PIEZO2: variants seen among roughly 807,000 people sequenced by gnomAD.
PIEZO2 encodes the protein piezo-type mechanosensitive ion channel component 2.
In PIEZO2, 172 loss-of-function variants were observed where a neutral mutation model predicts 337.3. The ratio of observed to expected loss-of-function variants is 0.51; its 90% CI spans 0.45 to 0.58. The LOEUF is 0.58. Ranked by LOEUF, PIEZO2 falls within the 20% of genes least tolerant of loss-of-function variation. The probability of loss-of-function intolerance (pLI) is 0.00; values close to 1 mark genes in which losing one functional copy is unlikely to be tolerated. For synonymous variants in PIEZO2, 1,251 were observed against 1,228.5 expected (o/e 1.02, Z -0.38); for missense variants, 3,028 against 3,391.3 (o/e 0.89, Z 2.66).
intron 36 of PIEZO2, among the ~76,000 whole-genome samples, chr18:10,723,101 GGGATTACAGGCAT>G (rs2036391576): frequency 6.6e-6 from 1 of 151,732 alleles, no homozygotes; most frequent in South Asian, 2.1e-4. Flanking sequence ...CCAAGTAGCT[GGGATTACAGGCAT>G]GGACCACCAC....
At chr18:10,720,938 A>G (rs4796903) in intron 36 of PIEZO2, among the ~76,000 whole-genome samples, 51,106 of 152,004 alleles carry the variant, frequency 0.34, 8,872 homozygotes, top group Admixed American at 0.46. Context: ...CAGGCTGTGT[A>G]CAAATACTCC....
At chr18:10,745,912 T>C (rs2037404646) in intron 30 of PIEZO2, among the ~76,000 whole-genome samples, 1 of 152,194 alleles carries the variant, frequency 6.6e-6, no homozygotes, top group Non-Finnish European at 1.5e-5. Flanking sequence ...CCTCCCTGTT[T>C]GAGTTCCTAT....
At chr18:11,134,835 T>C (rs2040436379) in intron 1 of PIEZO2, among the ~76,000 whole-genome samples, 1 of 152,082 alleles carries the variant, frequency 6.6e-6, no homozygotes, top group African/African-American at 2.4e-5. Context: ...CAATAGGAAT[T>C]ACATCACAAA....
At chr18:10,955,576 G>A (rs1568236518) in intron 3 of PIEZO2, among the ~76,000 whole-genome samples, 1 of 152,164 alleles carries the variant, frequency 6.6e-6, no homozygotes, top group African/African-American at 2.4e-5. Flanking sequence ...AAAGCTCCAT[G>A]TTATGAGGAA....
In PIEZO2 at chr18:11,059,123, T is replaced by C. The variant is rs560352852; in HGVS notation, c.160+7004A>G. ...TATTCAACATTCTTAAAGAAAAGAATTTTCAACCCAGAATTTCATATCCAG... is the reference window on the plus strand; with the variant it reads ...TATTCAACATTCTTAAAGAAAAGAACTTTCAACCCAGAATTTCATATCCAG... On this transcript the variant is annotated intron_variant, in intron 2 of 55. Transcript: ENST00000674853. 7.0e-4 allele frequency among the ~76,000 whole-genome samples: 106 copies of C among 152,294 alleles called. No individual in the cohort carries two copies. In the East Asian group the frequency reaches 0.019, roughly 28 times the overall value.
intron 26 of PIEZO2, among the ~76,000 whole-genome samples, chr18:10,758,859 C>G (rs1209503875): frequency 6.6e-6 from 1 of 152,212 alleles, no homozygotes; most frequent in East Asian, 1.9e-4. Flanking sequence ...CAACTGCCCA[C>G]AAAGGGCTGA....
chr18:10,721,514 C>A lies in PIEZO2; in HGVS notation c.5030-3255G>T, dbSNP rs1195845781. On this transcript the variant is annotated intron_variant, in intron 36 of 55. Coordinates refer to ENST00000674853, the MANE Select transcript of PIEZO2 (RefSeq NM_001378183.1). ...AGCTATTTTCAAGATGACCAAAGAA[C>A]AAATTTTTGTTCTGATCCAAACATT... 2.7e-5 allele frequency among the ~76,000 whole-genome samples: 4 copies of A among 150,090 alleles called. No individual in the cohort carries two copies. In the South Asian group the frequency reaches 8.3e-4, roughly 31 times the overall value.
chr18:10,922,332 T>C (rs2031470216), intron 3 of PIEZO2, among the ~76,000 whole-genome samples: 1 of 152,038 alleles, frequency 6.6e-6, no homozygotes, highest in African/African-American at 2.4e-5. Flanking sequence ...TATGTGACTG[T>C]CGGGGCAGAT....
Position 10,750,229 on chromosome 18 carries a change from C to A in PIEZO2, c.4168-42G>T. 1 of 1,437,796 alleles carries A rather than the reference C, an allele frequency of 7.0e-7. No individual in the cohort carries two copies. The highest frequency in any genetic ancestry group is 1.2e-5 in the South Asian group (1 of 81,416). 89.1% of individuals were successfully genotyped at this position (1,437,796 alleles called of 1,614,324 possible). A position where few individuals can be genotyped will look rare whatever the true frequency, so the allele number is the denominator to read the frequency against. The stretch of plus-strand genomic sequence containing the variant: ...GGGGATAATCCTGAAGCTCTGCAGC[C>A]AGAAAAAAAAGTGGTGTTTTATGAT... On this transcript the variant is annotated intron_variant, in intron 28 of 55. Transcript: ENST00000674853. This position sits in a 1 kb window ranked among gnomAD's most constrained non-coding sequence, Gnocchi z 4.1.
At chr18:10,941,280 C>G (rs2032712671) in intron 3 of PIEZO2, among the ~76,000 whole-genome samples, 1 of 152,168 alleles carries the variant, frequency 6.6e-6, no homozygotes, top group Non-Finnish European at 1.5e-5. Context: ...GGCTCGCACT[C>G]TAGAATTGTC....
At chr18:10,827,410 CT>C (rs1208935143) in intron 7 of PIEZO2, among the ~76,000 whole-genome samples, 1 of 152,098 alleles carries the variant, frequency 6.6e-6, no homozygotes, top group African/African-American at 2.4e-5. Context: ...AAGAACAGAA[CT>C]AACACTTTTT....
chr18:10,776,416 C>T (rs1414303428), intron 18 of PIEZO2, among the ~76,000 whole-genome samples: 2 of 152,278 alleles, frequency 1.3e-5, no homozygotes, highest in East Asian at 3.9e-4. Flanking sequence ...TGATAATCTG[C>T]ATCATAAATT....
chr18:10,933,252 T>A (rs1435349331), intron 3 of PIEZO2, among the ~76,000 whole-genome samples: 2 of 152,216 alleles, frequency 1.3e-5, no homozygotes, highest in Non-Finnish European at 2.9e-5. Flanking sequence ...CTTACATTGT[T>A]TTATCCTAAT....
intron 2 of PIEZO2, among the ~76,000 whole-genome samples, chr18:11,059,002 G>A (rs1210803998): frequency 6.6e-6 from 1 of 152,224 alleles, no homozygotes; most frequent in Non-Finnish European, 1.5e-5. Flanking sequence ...AGGGCAGCCA[G>A]AGAGAAAGGT....
At chr18:10,741,690 A>G (rs1182015514) in intron 32 of PIEZO2, among the ~76,000 whole-genome samples, 4 of 152,212 alleles carry the variant, frequency 2.6e-5, no homozygotes, top group Non-Finnish European at 5.9e-5. Flanking sequence ...GATATAATCA[A>G]TATATATTTC....
Position 10,762,566 on chromosome 18 carries a change from G to A in PIEZO2, c.3183C>T (p.Ser1061=), listed in dbSNP as rs1225214415. 38 of 1,537,296 alleles carry A rather than the reference G, an allele frequency of 2.5e-5. No homozygotes were observed. Among genetic ancestry groups the A allele is most frequent in the South Asian group, 3.6e-5 (3 of 84,070 alleles). ...CCCACTCTGTAGGATCGATAGGAGC[G>A]CTGTAGAGCAGAGACTTGTTCAACT... ...FNELNKSLLY[S]APIDPTEWVG... is the part of the protein sequence containing the mutation. The change falls in exon 23 of 56, where the codon AGC becomes AGT. Residue 1061 remains serine (S), a synonymous_variant. Transcript: ENST00000674853.
chr18:11,017,546 A>G (rs2036160156), intron 2 of PIEZO2, among the ~76,000 whole-genome samples: 2 of 149,536 alleles, frequency 1.3e-5, no homozygotes, highest in South Asian at 4.2e-4. Context: ...GGTAATATCT[A>G]TTTCAATCAT....
chr18:11,079,411 G>A (rs1390890070), intron 1 of PIEZO2, among the ~76,000 whole-genome samples: 2 of 152,186 alleles, frequency 1.3e-5, no homozygotes, highest in African/African-American at 4.8e-5. Flanking sequence ...TGGGGGACAA[G>A]TAGGTTACAG....
At chr18:11,007,826 C>A (rs1028657092) in intron 2 of PIEZO2, among the ~76,000 whole-genome samples, 1 of 152,100 alleles carries the variant, frequency 6.6e-6, no homozygotes, top group African/African-American at 2.4e-5. Context: ...TTCAGACAAA[C>A]AAAATCCAGA....
Sources: allele counts gnomAD v4.1 joint callset (sites outside exome capture counted in the v4.1 genomes callset), GRCh38; gene constraint gnomAD v4.1.1; non-coding constraint Gnocchi (gnomAD v3.1); transcripts MANE v1.5; gene names NCBI Gene and HGNC (gene_info 2026-07-23, HGNC 2026-07-21).